The following ZC3H12B variants were observed in gnomAD, a reference collection of about 807,000 sequenced individuals.
ZC3H12B encodes the protein probable ribonuclease ZC3H12B.
ZC3H12B carries 7 observed loss-of-function variants against 43.9 expected under a neutral mutation model. The observed-to-expected ratio is 0.16, with a 90% CI of 0.09 to 0.30. The LOEUF is 0.30. ZC3H12B is among the 10% of genes least tolerant of loss of function. The pLI, the probability that ZC3H12B is intolerant of heterozygous loss-of-function variation, is 1.00. For synonymous variants in ZC3H12B, 222 were observed against 241.7 expected (o/e 0.92, Z 0.76); for missense variants, 475 against 670.2 (o/e 0.71, Z 3.22).
chrX:65,037,099 C>CCA, the ZC3H12B span, among the ~76,000 whole-genome samples: 1 of 109,390 alleles, frequency 9.1e-6, no homozygotes, highest in Admixed American at 9.7e-5. Context: ...AGCAATTTAC[C>CCA]AGTTGGGTAA....
chrX:65,320,951 G>A, the ZC3H12B span, among the ~76,000 whole-genome samples: 1 of 112,131 alleles, frequency 8.9e-6, no homozygotes, highest in African/African-American at 3.2e-5. Flanking sequence ...AACTCTAGAA[G>A]ACAACTTAGG....
exon 5 of ZC3H12B, chrX:65,502,561 C>T (rs186386233): frequency 8.3e-7 from 1 of 1,208,540 alleles, no homozygotes; most frequent in East Asian, 3.0e-5. Flanking sequence ...GCTCAGCATC[C>T]CAGAACCGAC....
chrX:65,098,960 C>T, the ZC3H12B span, among the ~76,000 whole-genome samples: 8 of 111,360 alleles, frequency 7.2e-5, no homozygotes, highest in African/African-American at 2.6e-4. Context: ...CCCAAAGAGC[C>T]CAGCAAGCTA....
the ZC3H12B span, among the ~76,000 whole-genome samples, chrX:65,190,066 A>G: frequency 9.0e-6 from 1 of 111,534 alleles, no homozygotes; most frequent in African/African-American, 3.3e-5. Context: ...TCCTTTCCCC[A>G]TTGCTTGTTT....
At chrX:65,335,469 A>C in the ZC3H12B span, among the ~76,000 whole-genome samples, 1 of 112,354 alleles carries the variant, frequency 8.9e-6, no homozygotes, top group African/African-American at 3.2e-5. Context: ...TTATAACTTA[A>C]CCACGAGTGT....
the ZC3H12B span, among the ~76,000 whole-genome samples, chrX:65,318,683 G>A: frequency 7.2e-5 from 8 of 111,004 alleles, no homozygotes; most frequent in East Asian, 1.1e-3. Context: ...GCCTCCCAAC[G>A]TGCTGGGATT....
chrX:65,219,973 A>C, the ZC3H12B span, among the ~76,000 whole-genome samples: 15 of 111,383 alleles, frequency 1.3e-4, no homozygotes, highest in African/African-American at 4.9e-4. Flanking sequence ...CAGATAAACT[A>C]TACAGAAAAA....
At chrX:65,498,883 C>T (rs1321675364) in intron 2 of ZC3H12B, 116 bp from the exon 8 acceptor site, 12 of 573,756 alleles carry the variant, frequency 2.1e-5, no homozygotes, top group Non-Finnish European at 3.1e-5. Context: ...TACTTTCCCT[C>T]TAAGAGCAAA....
At chrX:65,185,203 C>G in the ZC3H12B span, 5 of 111,604 alleles carry the variant, frequency 4.5e-5, no homozygotes, top group East Asian at 1.4e-3. Flanking sequence ...ACAATCTGTT[C>G]ACCTATTTCT....
the ZC3H12B span, among the ~76,000 whole-genome samples, chrX:65,308,928 C>A: frequency 3.6e-5 from 4 of 111,926 alleles, no homozygotes; most frequent in Non-Finnish European, 7.5e-5. Context: ...TAAAGATGTT[C>A]TTTGAAACCA....
chrX:65,363,048 G>T (rs1364869503), upstream of ZC3H12B, among the ~76,000 whole-genome samples: 1 of 111,414 alleles, frequency 9.0e-6, no homozygotes, highest in East Asian at 2.8e-4. Context: ...ACACCCATCA[G>T]TCCCAGCAAC....
intron 3 of ZC3H12B, among the ~76,000 whole-genome samples, chrX:65,460,190 T>C (rs1484910824): frequency 9.0e-6 from 1 of 111,595 alleles, no homozygotes; most frequent in African/African-American, 3.3e-5. Context: ...TATAAATCAC[T>C]GCTCAACAAA....
the ZC3H12B span, among the ~76,000 whole-genome samples, chrX:65,048,959 C>T: frequency 5.4e-5 from 6 of 111,535 alleles, no homozygotes; most frequent in Non-Finnish European, 1.1e-4. Context: ...TACTTCTTAG[C>T]CATTTGCATG....
chrX:65,155,283 TGAAA>T, the ZC3H12B span, among the ~76,000 whole-genome samples: 2 of 110,165 alleles, frequency 1.8e-5, no homozygotes, highest in African/African-American at 3.3e-5. Flanking sequence ...TTAGTCACCA[TGAAA>T]GAATGTTGAA....
chrX:65,484,905 TAAA>T (rs1026855004), upstream of ZC3H12B, among the ~76,000 whole-genome samples: 12 of 112,142 alleles, frequency 1.1e-4, no homozygotes, highest in African/African-American at 3.9e-4. Flanking sequence ...TATTTCCTAA[TAAA>T]AAGATTAGTG....
chrX:65,222,500 C>T, the ZC3H12B span, among the ~76,000 whole-genome samples: 9 of 109,243 alleles, frequency 8.2e-5, no homozygotes, highest in Middle Eastern at 4.8e-3. Flanking sequence ...CAAAGTTTTT[C>T]GATACAAAAT....
At chrX:65,080,510 G>A in the ZC3H12B span, among the ~76,000 whole-genome samples, 3 of 111,119 alleles carry the variant, frequency 2.7e-5, no homozygotes, top group Admixed American at 1.9e-4. Context: ...ACATACAATG[G>A]AATGTCAAAA....
At chrX:65,227,060 C>T in the ZC3H12B span, among the ~76,000 whole-genome samples, 15 of 111,461 alleles carry the variant, frequency 1.3e-4, no homozygotes, top group African/African-American at 4.9e-4. Context: ...ACTCTCCACC[C>T]CAAATCAACA....
At chrX:65,263,414 C>T in the ZC3H12B span, among the ~76,000 whole-genome samples, 1 of 109,892 alleles carries the variant, frequency 9.1e-6, no homozygotes, top group Non-Finnish European at 1.9e-5. Flanking sequence ...AGTGTGCAGG[C>T]AAAAGAGCAT....
Sources: allele counts gnomAD v4.1 joint callset (sites outside exome capture counted in the v4.1 genomes callset), GRCh38; gene constraint gnomAD v4.1.1; transcripts MANE v1.5; gene names NCBI Gene and HGNC (gene_info 2026-07-23, HGNC 2026-07-21).